ACOX1: variants seen among roughly 807,000 people sequenced by gnomAD.
ACOX1 encodes the protein peroxisomal acyl-coenzyme A oxidase 1.
ACOX1 carries 41 observed loss-of-function variants against 75.5 expected under a neutral mutation model. That is an observed-to-expected ratio of 0.54 (90% CI 0.42 to 0.70). The LOEUF (loss-of-function observed/expected upper bound fraction) is 0.70. Among genes scored for constraint, ACOX1 ranks in the 30% least tolerant of loss-of-function variants. The pLI, the probability that ACOX1 is intolerant of heterozygous loss-of-function variation, is 0.00. For synonymous variants in ACOX1, 303 were observed against 298.8 expected, an observed-to-expected ratio of 1.01 and a Z score of -0.15; for missense variants, 630 against 837.5, an observed-to-expected ratio of 0.75 and a Z score of 3.06.
At chr17:75,948,214 A>G in intron 13 of ACOX1, 37 bp downstream of exon 13, 3 of 1,605,858 alleles carry the variant, frequency 1.9e-6, no homozygotes, top group Non-Finnish European at 2.6e-6. Flanking sequence ...ATTTAAGTGA[A>G]GACTTTTAAA....
At chr17:75,964,750 T>C (rs2065915044) in intron 2 of ACOX1, among the ~76,000 whole-genome samples, 1 of 152,206 alleles carries the variant, frequency 6.6e-6, no homozygotes, top group African/African-American at 2.4e-5. Flanking sequence ...TATTTTTAAA[T>C]AATTTATCGT....
At chr17:75,959,530 C>T (rs573075263) in intron 3 of ACOX1, among the ~76,000 whole-genome samples, 2 of 152,236 alleles carry the variant, frequency 1.3e-5, no homozygotes, top group South Asian at 2.1e-4. Context: ...ATGGCAAACA[C>T]GGACCCAATT....
chr17:75,971,674 G>A (rs1384320546), intron 2 of ACOX1, among the ~76,000 whole-genome samples: 2 of 151,482 alleles, frequency 1.3e-5, no homozygotes, highest in African/African-American at 2.4e-5. Context: ...CCCAGGAGGT[G>A]GAGGTTGCAG....
At chr17:75,963,950 A>G (rs1003033946) in intron 2 of ACOX1, among the ~76,000 whole-genome samples, 1 of 151,658 alleles carries the variant, frequency 6.6e-6, no homozygotes, top group Non-Finnish European at 1.5e-5. Flanking sequence ...TTGGGGGGCC[A>G]AGGTGGGCGG....
chr17:75,950,591 G>A lies in ACOX1; in HGVS notation c.1298+183C>T, dbSNP rs984519381. Reference sequence around the variant, plus strand: ...GATACAACTGCAAGCTATGTAACAGGTGCTTCATACTCTCTAGCCTCACCA... The same window carrying A: ...GATACAACTGCAAGCTATGTAACAGATGCTTCATACTCTCTAGCCTCACCA... On this transcript the variant is annotated intron_variant, in intron 9 of 13. Transcript: ENST00000293217. The surrounding 1 kb of genome is among the most constrained non-coding windows in gnomAD (Gnocchi z 4.3). Among the ~76,000 whole-genome samples, 2 of 152,066 alleles carry A rather than the reference G, an allele frequency of 1.3e-5. No individual in the cohort carries two copies. The highest frequency in any genetic ancestry group is 2.1e-4 in the South Asian group (1 of 4,824).
chr17:75,956,040 A>G, intron 4 of ACOX1, 93 bp from the exon 5 acceptor site: 1 of 1,533,306 alleles, frequency 6.5e-7, no homozygotes, highest in East Asian at 2.3e-5. Flanking sequence ...TAAATCTAAC[A>G]CTAGACTAAA....
intron 2 of ACOX1, among the ~76,000 whole-genome samples, chr17:75,964,055 G>T (rs1371989082): frequency 6.6e-6 from 1 of 151,556 alleles, no homozygotes; most frequent in Admixed American, 6.6e-5. Flanking sequence ...ATGGTGGCAG[G>T]CGCTGGTTAT....
chr17:75,952,379 C>T (rs951040529), intron 7 of ACOX1, among the ~76,000 whole-genome samples: 33 of 151,940 alleles, frequency 2.2e-4, no homozygotes, highest in African/African-American at 7.7e-4. Context: ...ACTACAACCT[C>T]CACTTCCTGG....
Position 75,978,552 on chromosome 17 carries a change from TC to T in ACOX1, c.250del (p.Glu84LysfsTer87), listed in dbSNP as rs1252465053. Reference sequence around the variant, plus strand: ...TACCTACTTTTTAAACCACATAATTTCATCAGGGTCAGCGATGCCAAACTCC... The same window carrying T: ...TACCTACTTTTTAAACCACATAATTTATCAGGGTCAGCGATGCCAAACTCC... ...MREFGIADPD[E>X]IMWFKNFVHR... On this transcript the variant is annotated frameshift_variant, in exon 2 of 14. Coordinates refer to ENST00000293217, the MANE Select transcript of ACOX1 (RefSeq NM_004035.7). LOFTEE classifies it high-confidence loss of function. This position sits in a 1 kb window ranked among gnomAD's most constrained non-coding sequence, Gnocchi z 4.2. The T allele has an allele frequency of 6.2e-7, 1 of 1,614,230 alleles. No individual in the cohort carries two copies. The highest frequency in any genetic ancestry group is 8.5e-7 in the Non-Finnish European group (1 of 1,180,056).
At chr17:75,958,736 A>AGGG (rs1259072995) in intron 3 of ACOX1, among the ~76,000 whole-genome samples, 59 of 150,216 alleles carry the variant, frequency 3.9e-4, no homozygotes, top group African/African-American at 1.4e-3. Flanking sequence ...TGAACCCGGA[A>AGGG]GGTGGAGCTT....
chr17:75,977,593 C>T (rs1326698364), intron 2 of ACOX1, among the ~76,000 whole-genome samples: 1 of 151,098 alleles, frequency 6.6e-6, no homozygotes, highest in East Asian at 2.0e-4. Context: ...ACAAAAAACA[C>T]AACAAAACAC....
At position 75,951,596 on chromosome 17, in the gene ACOX1, G is replaced by GA. The variant is rs1238289702; in HGVS notation, c.945-20dup. 2.5e-6 allele frequency: 4 copies of GA among 1,611,710 alleles called. No individual in the cohort carries two copies. The highest frequency in any genetic ancestry group is 1.3e-5 in the African/African-American group (1 of 74,656). The stretch of plus-strand genomic sequence containing the variant: ...TGGTTCACTACGTGACATAGAAAAA[G>GA]AAAAAAAGTAGTAAGTAAATGTTTA... On this transcript the variant is annotated intron_variant, in intron 7 of 13. Transcript: ENST00000293217.
intron 2 of ACOX1, among the ~76,000 whole-genome samples, chr17:75,972,216 T>C (rs1056187319): frequency 1.3e-5 from 2 of 149,644 alleles, no homozygotes; most frequent in Non-Finnish European, 3.0e-5. Flanking sequence ...TAGTCCCAGC[T>C]ACTGAGGAGC....
Position 75,975,018 on chromosome 17 carries a change from C to G in ACOX1, c.269+3516G>C, listed in dbSNP as rs551550320. Among the ~76,000 whole-genome samples, 105 of 137,452 alleles carry G rather than the reference C, an allele frequency of 7.6e-4. 1 individual carries two copies. Among genetic ancestry groups the G allele is most frequent in the Non-Finnish European group, 1.2e-3 (78 of 64,840 alleles). The allele number at this position is 137,452 out of a possible 152,430, so 90.2% of individuals were successfully genotyped here. A position where few individuals can be genotyped will look rare whatever the true frequency, so the allele number is the denominator to read the frequency against. On this transcript the variant is annotated intron_variant, in intron 2 of 13. Transcript: ENST00000293217. Reference sequence around the variant, plus strand: ...TGAGCCGAGATCGCACCACTGCACTCCAGCCTGGGCGACAGAGCGAGACTC... The same window carrying G: ...TGAGCCGAGATCGCACCACTGCACTGCAGCCTGGGCGACAGAGCGAGACTC...
intron 2 of ACOX1, among the ~76,000 whole-genome samples, chr17:75,975,070 A>C (rs55765205): frequency 1.6e-4 from 23 of 145,210 alleles, no homozygotes; most frequent in Non-Finnish European, 3.2e-4. Flanking sequence ...AAAAAAAAAA[A>C]AAAGAAAGAA....
rs536247172 is a variant in ACOX1, at chr17:75,951,036, C to T, written c.1108-72G>A. On this transcript the variant is annotated intron_variant, in intron 8 of 13. Coordinates refer to ENST00000293217, the MANE Select transcript of ACOX1 (RefSeq NM_004035.7). Reference sequence around the variant, plus strand: ...GCCCGAGAACCAATGAGAAAACACACCCCTCCTCTAACATCTTGGCCACTG... The same window carrying T: ...GCCCGAGAACCAATGAGAAAACACATCCCTCCTCTAACATCTTGGCCACTG... 5 of 1,468,240 alleles carry T rather than the reference C, an allele frequency of 3.4e-6. No homozygotes were observed. The African/African-American group carries it at 5.6e-5, about 16-fold the overall frequency. 91.0% of individuals were successfully genotyped at this position (1,468,240 alleles called of 1,614,324 possible).
chr17:75,957,070 A>G (rs937801195), intron 4 of ACOX1, among the ~76,000 whole-genome samples: 2 of 148,432 alleles, frequency 1.3e-5, no homozygotes, highest in Non-Finnish European at 3.0e-5. Flanking sequence ...TACACACACC[A>G]CACACACATA....
At chr17:75,951,334 ATTTAG>A in intron 8 of ACOX1, 76 bp downstream of exon 8, 1 of 1,546,520 alleles carries the variant, frequency 6.5e-7, no homozygotes, top group Non-Finnish European at 8.9e-7. Flanking sequence ...AAATACCAAC[ATTTAG>A]TTATCTCTGG....
In ACOX1 at chr17:75,948,231, CAG is replaced by C. The variant is rs2065739750; in HGVS notation, c.1935+18_1935+19del. On this transcript the variant is annotated intron_variant, in intron 13 of 13. Transcript: ENST00000293217. ...TTAAGTGAAGACTTTTAAAAAGGTGCAGAGACACTGGATTTTTACCTCTGCTT... is the reference window on the plus strand; with the variant it reads ...TTAAGTGAAGACTTTTAAAAAGGTGCAGACACTGGATTTTTACCTCTGCTT... 1 of 1,612,780 alleles carries C rather than the reference CAG, an allele frequency of 6.2e-7. No individual in the cohort carries two copies. Among genetic ancestry groups the C allele is most frequent in the Non-Finnish European group, 8.5e-7 (1 of 1,178,844 alleles).
Sources: gnomAD v4.1 joint callset for allele counts (sites outside exome capture counted in the v4.1 genomes callset) on GRCh38, gnomAD v4.1.1 for gene constraint, Gnocchi (gnomAD v3.1) non-coding constraint, MANE v1.5 for transcripts, NCBI Gene and HGNC (gene_info 2026-07-23, HGNC 2026-07-21) for gene names.